RASGEF1B: variants seen among roughly 807,000 people sequenced by gnomAD.
RASGEF1B encodes the protein RasGEF domain family member 1B, also known as ras-GEF domain-containing family member 1B.
In RASGEF1B, 30 loss-of-function variants were observed where a neutral mutation model predicts 65.7. The observed-to-expected ratio is 0.46, with a 90% CI of 0.34 to 0.62. The LOEUF (loss-of-function observed/expected upper bound fraction) is 0.62, where lower values mean the gene tolerates loss of function less well. Ranked by LOEUF, RASGEF1B falls within the 20% of genes least tolerant of loss-of-function variation. The pLI is 0.01. For missense variants in RASGEF1B, 495 were observed against 580.1 expected (o/e 0.85, Z 1.51); for synonymous variants, 175 against 194.8 (o/e 0.90, Z 0.85).
At chr4:81,464,725 A>G (rs944572952) in intron 1 of RASGEF1B, among the ~76,000 whole-genome samples, 7 of 152,196 alleles carry the variant, frequency 4.6e-5, no homozygotes, top group African/African-American at 1.2e-4. Flanking sequence ...ACGCCAAGGA[A>G]GAAGAACATG....
chr4:81,432,183 A>G, intron 13 of RASGEF1B, 116 bp downstream of exon 13: 1 of 604,586 alleles, frequency 1.7e-6, no homozygotes, highest in South Asian at 2.5e-5. Context: ...ACAAGAGATA[A>G]AGTGCAGAGG....
intron 4 of RASGEF1B, chr4:81,452,264 C>T (rs1335703424): frequency 6.6e-6 from 1 of 152,316 alleles, no homozygotes. Context: ...GCATGCACCA[C>T]CACACCTGGC....
intron 1 of RASGEF1B, among the ~76,000 whole-genome samples, chr4:81,466,552 G>A (rs979044186): frequency 2.0e-5 from 3 of 151,970 alleles, no homozygotes; most frequent in African/African-American, 7.3e-5. Flanking sequence ...AAAGTCAGCA[G>A]ATCGAGACCA....
At chr4:81,470,451 G>A (rs571286731) in intron 1 of RASGEF1B, among the ~76,000 whole-genome samples, 1 of 152,282 alleles carries the variant, frequency 6.6e-6, no homozygotes, top group South Asian at 2.1e-4. Flanking sequence ...CACCCCATCT[G>A]AGTGTGACTG....
intron 13 of RASGEF1B, among the ~76,000 whole-genome samples, chr4:81,429,152 G>T (rs1721330296): frequency 6.6e-6 from 1 of 152,220 alleles, no homozygotes; most frequent in Non-Finnish European, 1.5e-5. Context: ...CACATGGCTG[G>T]TAACGAGAGA....
At chr4:81,451,514 A>G (rs542886658) in intron 4 of RASGEF1B, 57 of 152,354 alleles carry the variant, frequency 3.7e-4, no homozygotes, top group African/African-American at 1.4e-3. Context: ...ACATAGGAGC[A>G]GCGCCGGAAG....
chr4:81,430,359 T>C (rs1229187091), intron 13 of RASGEF1B, among the ~76,000 whole-genome samples: 3 of 152,200 alleles, frequency 2.0e-5, no homozygotes, highest in Non-Finnish European at 4.4e-5. Flanking sequence ...TGCGACCCGA[T>C]TCTTCCAGTA....
In RASGEF1B at chr4:81,440,827, T is replaced by A; in HGVS notation, c.1104+7A>T. The stretch of plus-strand genomic sequence containing the variant: ...ACCATAAGAAAGATACTTCTTTAAG[T>A]GCATACCTTTTCTCTACTACTATGA... On this transcript the variant is annotated splice_region_variant and intron_variant, in intron 10 of 13. Coordinates refer to ENST00000264400, the MANE Select transcript of RASGEF1B (RefSeq NM_152545.3). The A allele has an allele frequency of 6.4e-7, 1 of 1,565,800 alleles. No individual in the cohort carries two copies.
intron 12 of RASGEF1B, among the ~76,000 whole-genome samples, chr4:81,432,778 T>C (rs1000215211): frequency 1.6e-4 from 24 of 152,104 alleles, no homozygotes; most frequent in African/African-American, 5.6e-4. Flanking sequence ...AAAGCCTAGG[T>C]AAAAATTTTC....
At chr4:81,466,699 C>T (rs1398075484) in intron 1 of RASGEF1B, among the ~76,000 whole-genome samples, 4 of 145,064 alleles carry the variant, frequency 2.8e-5, no homozygotes, top group Non-Finnish European at 6.0e-5. Context: ...ACAGAGGTTG[C>T]AGTGAGCTGA....
chr4:81,428,526 A>G (rs1721306432), intron 13 of RASGEF1B, among the ~76,000 whole-genome samples: 1 of 152,228 alleles, frequency 6.6e-6, no homozygotes, highest in African/African-American at 2.4e-5. Flanking sequence ...TAGCATTTAC[A>G]TTATATTAGA....
At position 81,442,357 on chromosome 4, in the gene RASGEF1B, T is replaced by C. The variant is rs746991442; in HGVS notation, c.948A>G (p.Pro316=). 10 of 1,611,718 alleles carry C rather than the reference T, an allele frequency of 6.2e-6. No individual in the cohort carries two copies. The highest frequency in any genetic ancestry group is 5.0e-5 in the Admixed American group (3 of 59,986). ...CCCAAGTTTTTTTTAGTCGAGAGAC[T>C]GGGCTCATATTCATACCAGCTTCCC... is the stretch of plus-strand genomic sequence containing the variant. ...MAIISGMNMS[P]VSRLKKTWAK... Residue 316 remains proline, a synonymous_variant, in exon 9 of 14, where the codon CCA becomes CCG. Transcript: ENST00000264400.
At chr4:81,457,969 T>C (rs1722505836) in intron 2 of RASGEF1B, among the ~76,000 whole-genome samples, 1 of 152,206 alleles carries the variant, frequency 6.6e-6, no homozygotes, top group Non-Finnish European at 1.5e-5. Context: ...TAAATCTTAC[T>C]TGAATATACT....
At chr4:81,444,059 G>A (rs1011498013) in intron 8 of RASGEF1B, among the ~76,000 whole-genome samples, 5 of 152,034 alleles carry the variant, frequency 3.3e-5, no homozygotes, top group Admixed American at 2.6e-4. Context: ...TCAGATACTC[G>A]TTAGCCATTA....
rs528884292 is a variant in RASGEF1B at position 81,441,582 on chromosome 4, C to T, written c.1009-653G>A. 1.1e-4 allele frequency among the ~76,000 whole-genome samples: 16 copies of T among 150,162 alleles called. No individual in the cohort carries two copies. In the East Asian group the frequency reaches 3.1e-3, roughly 29 times the overall value. The stretch of plus-strand genomic sequence containing the variant: ...TTTGAGACAGGGTCTCACTTTGCCA[C>T]CCAGGCTGTAGTGCAGTGGTGTGAT... On this transcript the variant is annotated intron_variant, in intron 9 of 13. Coordinates refer to ENST00000264400, the MANE Select transcript of RASGEF1B (RefSeq NM_152545.3).
Position 81,427,664 on chromosome 4 carries a change from G to C in RASGEF1B, c.*104C>G. ...TGACCCGGGTGCTCCAATGACTGCA[G>C]GGTCTTCATGAGTGTTCGTGGTACG... On this transcript the variant is annotated 3_prime_UTR_variant, in exon 14 of 14. Coordinates refer to ENST00000264400, the MANE Select transcript of RASGEF1B (RefSeq NM_152545.3). 1 of 1,346,062 alleles carries C rather than the reference G, an allele frequency of 7.4e-7. No homozygotes were observed. Among genetic ancestry groups the C allele is most frequent in the Non-Finnish European group, 1.0e-6 (1 of 961,970 alleles). The allele number at this position is 1,346,062 out of a possible 1,614,324, so 83.4% of individuals were successfully genotyped here. A position where few individuals can be genotyped will look rare whatever the true frequency, so the allele number is the denominator to read the frequency against.
At chr4:81,442,423 A>C in intron 8 of RASGEF1B, 47 bp from the exon 9 acceptor site, 1 of 1,088,120 alleles carries the variant, frequency 9.2e-7, no homozygotes, top group Non-Finnish European at 1.4e-6. Flanking sequence ...ATTGAAAGAG[A>C]GAAATAAGAA....
intron 1 of RASGEF1B, among the ~76,000 whole-genome samples, chr4:81,464,103 T>G (rs77591517): frequency 0.014 from 2,135 of 152,270 alleles, 35 homozygotes; most frequent in African/African-American, 0.038. Context: ...TCTCCTTTCA[T>G]CTTCCACAAC....
rs142490197 is a variant in RASGEF1B at position 81,448,213 on chromosome 4, G to A, written c.510C>T (p.Tyr170=). The A allele has an allele frequency of 4.3e-5, 70 of 1,613,754 alleles. No homozygotes were observed. Among genetic ancestry groups the A allele is most frequent in the African/African-American group, 3.1e-4 (23 of 74,902 alleles). Residue 170 remains tyrosine (Y), a synonymous_variant, in exon 5 of 14, where the codon TAC becomes TAT. Coordinates refer to ENST00000264400, the MANE Select transcript of RASGEF1B (RefSeq NM_152545.3). Reference sequence around the variant, plus strand: ...AGCTGATTTTTGCCAGGACTTCTTCGTACTGGCTGAGCGCAGCAAGCTTGC... The same window carrying A: ...AGCTGATTTTTGCCAGGACTTCTTCATACTGGCTGAGCGCAGCAAGCTTGC... ...LIRKLAALSQ[Y]EEVLAKISST...
Sources: allele counts gnomAD v4.1 joint callset (sites outside exome capture counted in the v4.1 genomes callset), GRCh38; gene constraint gnomAD v4.1.1; transcripts MANE v1.5; gene names NCBI Gene and HGNC (gene_info 2026-07-23, HGNC 2026-07-21).